DHX32: variants seen among roughly 807,000 people sequenced by gnomAD.
DHX32 encodes DEAH-box helicase 32 (putative).
In DHX32, 51 loss-of-function variants were observed where a neutral mutation model predicts 70.0. The observed-to-expected ratio is 0.73, with a 90% CI of 0.58 to 0.92. The LOEUF is 0.92. Ranked by LOEUF, DHX32 falls within the 40% of genes least tolerant of loss-of-function variation. DHX32 has a pLI of 0.00. For synonymous variants in DHX32, 310 were observed against 315.3 expected, an observed-to-expected ratio of 0.98 and a Z score of 0.18; for missense variants, 762 against 891.8, an observed-to-expected ratio of 0.85 and a Z score of 1.85.
intron 1 of DHX32, among the ~76,000 whole-genome samples, chr10:125,869,802 C>T (rs1323966336): frequency 6.6e-6 from 1 of 152,008 alleles, no homozygotes; most frequent in Non-Finnish European, 1.5e-5. Flanking sequence ...CATTTGTTCC[C>T]AATACCGAAC....
intron 1 of DHX32, among the ~76,000 whole-genome samples, chr10:125,868,809 C>A (rs1233948498): frequency 6.6e-6 from 1 of 152,082 alleles, no homozygotes; most frequent in African/African-American, 2.4e-5. Context: ...AATTATCCTT[C>A]AAGTTTGAAC....
chr10:125,878,068 T>C (rs578142196), intron 1 of DHX32, among the ~76,000 whole-genome samples: 3 of 152,320 alleles, frequency 2.0e-5, no homozygotes, highest in Non-Finnish European at 2.9e-5. Context: ...TGGATCTCAC[T>C]TGAACAAAAA....
intron 3 of DHX32, among the ~76,000 whole-genome samples, chr10:125,858,893 T>TA (rs572795103): frequency 1.0e-4 from 15 of 149,076 alleles, no homozygotes; most frequent in South Asian, 4.2e-4. Flanking sequence ...AGCTGCAATT[T>TA]AAAAAAAAAA....
intron 3 of DHX32, 61 bp from the exon 4 acceptor site, chr10:125,854,264 A>T: frequency 6.7e-7 from 1 of 1,484,978 alleles, no homozygotes; most frequent in Non-Finnish European, 8.9e-7. Flanking sequence ...TATTAAAAAA[A>T]TGTCTGAATT....
chr10:125,887,515 C>G (rs919234866), intron 1 of DHX32, among the ~76,000 whole-genome samples: 8 of 152,166 alleles, frequency 5.3e-5, no homozygotes, highest in Admixed American at 4.6e-4. Context: ...TGCCATGGGT[C>G]TAACTTACCT....
At chr10:125,848,477 G>A (rs1276180201) in intron 6 of DHX32, among the ~76,000 whole-genome samples, 2 of 152,190 alleles carry the variant, frequency 1.3e-5, no homozygotes, top group African/African-American at 4.8e-5. Flanking sequence ...TGGCCACCCA[G>A]CTGTTTTGTC....
intron 9 of DHX32, 86 bp downstream of exon 9, chr10:125,838,912 AATC>A (rs1854783542): frequency 5.1e-6 from 7 of 1,365,352 alleles, no homozygotes; most frequent in East Asian, 4.7e-5. Context: ...TTAATGTCAA[AATC>A]ATCATCCTAA....
chr10:125,871,736 G>T (rs1300865628), intron 1 of DHX32, among the ~76,000 whole-genome samples: 1 of 152,092 alleles, frequency 6.6e-6, no homozygotes, highest in African/African-American at 2.4e-5. Context: ...GATAATTTGA[G>T]TATTTCACAT....
intron 1 of DHX32, among the ~76,000 whole-genome samples, chr10:125,878,599 T>C (rs1944298274): frequency 6.6e-6 from 1 of 152,230 alleles, no homozygotes; most frequent in African/African-American, 2.4e-5. Flanking sequence ...TGTTAATTTG[T>C]CTTTTGTTAC....
intron 1 of DHX32, among the ~76,000 whole-genome samples, chr10:125,895,649 G>T (rs1944467815): frequency 6.6e-6 from 1 of 152,300 alleles, no homozygotes; most frequent in African/African-American, 2.4e-5. Flanking sequence ...ATGTTACATT[G>T]TTTCACAGCC....
chr10:125,890,746 T>C (rs12268691), intron 1 of DHX32: 1 of 152,238 alleles, frequency 6.6e-6, no homozygotes, highest in Non-Finnish European at 1.5e-5. Context: ...TCAAATTTTT[T>C]AAAAAGAATC....
upstream of DHX32, among the ~76,000 whole-genome samples, chr10:125,885,148 C>T (rs976884555): frequency 2.0e-5 from 3 of 152,078 alleles, no homozygotes; most frequent in African/African-American, 7.2e-5. Flanking sequence ...CAAATCTGGT[C>T]CCCCCAATTT....
Position 125,839,070 on chromosome 10 carries a change from T to C in DHX32, c.1812A>G (p.Glu604=), listed in dbSNP as rs1170145305. The C allele has an allele frequency of 3.8e-5, 62 of 1,614,082 alleles. No individual in the cohort carries two copies. Among genetic ancestry groups the C allele is most frequent in the Non-Finnish European group, 5.0e-5 (59 of 1,180,046 alleles). The part of the protein sequence containing the change: ...IIKRIELPYA[E]PAFGSKENTL... Reference sequence around the variant, plus strand: ...TGTTTTCCTTGGAGCCAAAAGCAGGTTCTGCATAGGGAAGCTCGATTCGCT... The same window carrying C: ...TGTTTTCCTTGGAGCCAAAAGCAGGCTCTGCATAGGGAAGCTCGATTCGCT... Residue 604 remains glutamate, a synonymous_variant, in exon 9 of 11, where the codon GAA becomes GAG. Transcript: ENST00000284690.
Position 125,878,585 on chromosome 10 carries a change from C to A in DHX32, c.282+1958G>T, listed in dbSNP as rs571866301. The stretch of plus-strand genomic sequence containing the variant: ...TACATATTAATACACTTCTGTTTTT[C>A]TTCTGTTAATTTGTCTTTTGTTACA... On this transcript the variant is annotated intron_variant, in intron 1 of 10. Coordinates refer to ENST00000284690, the MANE Select transcript of DHX32 (RefSeq NM_018180.3). Among the ~76,000 whole-genome samples the A allele has an allele frequency of 3.2e-4, 48 of 152,168 alleles. No homozygotes were observed. The South Asian group carries it at 9.5e-3, about 30-fold the overall frequency.
At chr10:125,867,320 C>T in intron 1 of DHX32, 137 bp from the exon 2 acceptor site, 2 of 678,416 alleles carry the variant, frequency 2.9e-6, no homozygotes, top group Non-Finnish European at 4.9e-6. Flanking sequence ...TTACATCTTA[C>T]TTAGTGAAAC....
chr10:125,895,703 C>G (rs1395346449), intron 1 of DHX32, among the ~76,000 whole-genome samples: 1 of 152,304 alleles, frequency 6.6e-6, no homozygotes, highest in Non-Finnish European at 1.5e-5. Context: ...TTCCGTAACT[C>G]AACCGGAAAC....
At chr10:125,845,431 AG>A (rs1292640394) in intron 6 of DHX32, among the ~76,000 whole-genome samples, 3 of 152,232 alleles carry the variant, frequency 2.0e-5, no homozygotes, top group Non-Finnish European at 2.9e-5. Context: ...ACTTTCCTAC[AG>A]GTAAAAGTTT....
chr10:125,876,747 T>C (rs1294299714), intron 1 of DHX32, among the ~76,000 whole-genome samples: 1 of 152,216 alleles, frequency 6.6e-6, no homozygotes, highest in African/African-American at 2.4e-5. Context: ...TGGGGAGTTG[T>C]GTCAGATTAA....
At position 125,866,783 on chromosome 10, in the gene DHX32, G is replaced by T. The variant is rs1156278141; in HGVS notation, c.476+207C>A. On this transcript the variant is annotated intron_variant, in intron 2 of 10. Coordinates refer to ENST00000284690, the MANE Select transcript of DHX32 (RefSeq NM_018180.3). This position sits in a 1 kb window ranked among gnomAD's most constrained non-coding sequence, Gnocchi z 4.8. ...TGTTAACTTTTTCCAGGGGATAATG[G>T]GAGTCATGGGATACATTTAGACAAG... 6.6e-6 allele frequency among the ~76,000 whole-genome samples: 1 copy of T among 152,238 alleles called. No individual in the cohort carries two copies. Among genetic ancestry groups the T allele is most frequent in the Non-Finnish European group, 1.5e-5 (1 of 68,046 alleles).
Sources: gnomAD v4.1 joint callset for allele counts (sites outside exome capture counted in the v4.1 genomes callset) on GRCh38, gnomAD v4.1.1 for gene constraint, Gnocchi (gnomAD v3.1) non-coding constraint, MANE v1.5 for transcripts, NCBI Gene and HGNC (gene_info 2026-07-23, HGNC 2026-07-21) for gene names.